RBFOX1: variants seen among roughly 807,000 people sequenced by gnomAD.
The protein encoded by RBFOX1 is RNA binding fox-1 homolog 1, also known as RNA binding protein fox-1 homolog 1.
A neutral mutation model predicts 57.7 loss-of-function variants in RBFOX1; 8 were observed. That is an observed-to-expected ratio of 0.14 (90% confidence interval 0.08 to 0.25). RBFOX1 has a LOEUF of 0.25. Ranked by LOEUF, RBFOX1 falls within the 10% of genes least tolerant of loss-of-function variation. The pLI is 1.00. For synonymous variants in RBFOX1, 326 were observed against 222.4 expected (o/e 1.47, Z -4.15); for missense variants, 611 against 548.5 (o/e 1.11, Z -1.14).
intron 3 of RBFOX1, among the ~76,000 whole-genome samples, chr16:6,841,570 C>G (rs1299434067): frequency 2.0e-5 from 3 of 152,150 alleles, no homozygotes; most frequent in Non-Finnish European, 4.4e-5. Context: ...GCCCTTTCTC[C>G]TACGAGCTGT....
intron 4 of RBFOX1, among the ~76,000 whole-genome samples, chr16:7,061,232 A>C (rs1437864344): frequency 6.6e-6 from 1 of 152,328 alleles, no homozygotes; most frequent in East Asian, 1.9e-4. Flanking sequence ...TAGTAAAATA[A>C]GAAACTCATA....
chr16:5,726,564 T>C (rs1266808640), intron 3 of RBFOX1, among the ~76,000 whole-genome samples: 3 of 152,196 alleles, frequency 2.0e-5, no homozygotes, highest in Non-Finnish European at 4.4e-5. Context: ...GTCCATAGCC[T>C]GGAGTCCAGG....
chr16:6,736,379 C>G (rs982304503), intron 3 of RBFOX1, among the ~76,000 whole-genome samples: 12 of 152,142 alleles, frequency 7.9e-5, no homozygotes, highest in Non-Finnish European at 2.9e-5. Context: ...CATAGCTTAG[C>G]TCCCACATAT....
intron 1 of RBFOX1, among the ~76,000 whole-genome samples, chr16:5,436,536 A>C (rs2067923444): frequency 6.6e-6 from 1 of 152,204 alleles, no homozygotes; most frequent in African/African-American, 2.4e-5. Flanking sequence ...GTTTCATTTG[A>C]AATGCCAGAA....
chr16:7,508,091 A>C (rs983198494), intron 4 of RBFOX1, among the ~76,000 whole-genome samples: 5 of 151,892 alleles, frequency 3.3e-5, no homozygotes, highest in Non-Finnish European at 7.4e-5. Context: ...GGTTCAAGCG[A>C]TTCTCGTGCC....
At chr16:6,443,400 C>G (rs796661263) in intron 2 of RBFOX1, among the ~76,000 whole-genome samples, 8 of 152,278 alleles carry the variant, frequency 5.3e-5, no homozygotes, top group African/African-American at 1.9e-4. Context: ...TCCCATCCCC[C>G]CCATCCTGGC....
At chr16:6,923,027 C>G (rs1043154587) in intron 3 of RBFOX1, among the ~76,000 whole-genome samples, 11 of 152,156 alleles carry the variant, frequency 7.2e-5, no homozygotes, top group African/African-American at 2.4e-4. Context: ...TATAAGCAAA[C>G]CATAGACAGT....
chr16:7,265,594 A>G (rs547181756), intron 4 of RBFOX1, among the ~76,000 whole-genome samples: 13 of 151,516 alleles, frequency 8.6e-5, no homozygotes, highest in South Asian at 2.1e-4. Context: ...GATTACAGGC[A>G]CCCACCACCA....
intron 1 of RBFOX1, among the ~76,000 whole-genome samples, chr16:5,377,057 G>A (rs1477556715): frequency 1.3e-5 from 2 of 151,660 alleles, no homozygotes; most frequent in Non-Finnish European, 2.9e-5. Flanking sequence ...CCCAAACCAA[G>A]GAACCAGAAA....
At chr16:7,125,689 TA>T (rs1326231534) in intron 4 of RBFOX1, among the ~76,000 whole-genome samples, 1 of 152,146 alleles carries the variant, frequency 6.6e-6, no homozygotes, top group African/African-American at 2.4e-5. Flanking sequence ...CTCTAAAATT[TA>T]ACACTTTTTT....
chr16:6,067,117 T>C (rs1273953680), intron 1 of RBFOX1, among the ~76,000 whole-genome samples: 1 of 152,170 alleles, frequency 6.6e-6, no homozygotes, highest in African/African-American at 2.4e-5. Flanking sequence ...TGTTATAAGA[T>C]TGAGTGTGTC....
At chr16:7,095,545 C>G (rs996417856) in intron 4 of RBFOX1, among the ~76,000 whole-genome samples, 1 of 152,110 alleles carries the variant, frequency 6.6e-6, no homozygotes, top group Non-Finnish European at 1.5e-5. Flanking sequence ...TTTCTTTTCT[C>G]TTACTTTGAG....
At chr16:7,097,574 C>G (rs1282953276) in intron 4 of RBFOX1, among the ~76,000 whole-genome samples, 1 of 152,122 alleles carries the variant, frequency 6.6e-6, no homozygotes, top group African/African-American at 2.4e-5. Context: ...CTCCATCTGC[C>G]TCAAATAATC....
rs1223191346 is a variant in RBFOX1, at chr16:7,439,945, C to CTTTTT, written c.28-78199_28-78198insTTTTT. Among the ~76,000 whole-genome samples the CTTTTT allele has an allele frequency of 6.0e-4, 68 of 113,358 alleles. 1 individual carries two copies. The highest frequency in any genetic ancestry group is 2.2e-3 in the East Asian group (8 of 3,646). 74.4% of individuals were successfully genotyped at this position (113,358 alleles called of 152,430 possible). On this transcript the variant is annotated intron_variant, in intron 4 of 15. Transcript: ENST00000550418. ...GAACCACAAAACAACCAAATCTTTT[C>CTTTTT]TTTCTTTTTTTTTTTTTTTTTTTTG...
intron 2 of RBFOX1, among the ~76,000 whole-genome samples, chr16:6,443,574 C>T (rs964778274): frequency 6.6e-6 from 1 of 152,182 alleles, no homozygotes; most frequent in African/African-American, 2.4e-5. Flanking sequence ...TCTGTAACTT[C>T]TCTCCCACTG....
chr16:6,350,693 C>T (rs2086212896), intron 2 of RBFOX1, among the ~76,000 whole-genome samples: 1 of 151,986 alleles, frequency 6.6e-6, no homozygotes, highest in Non-Finnish European at 1.5e-5. Flanking sequence ...ATTACTAGGT[C>T]CTAAAGCATT....
intron 4 of RBFOX1, among the ~76,000 whole-genome samples, chr16:5,994,976 G>T (rs934322498): frequency 2.0e-5 from 3 of 152,150 alleles, no homozygotes; most frequent in Admixed American, 6.5e-5. Flanking sequence ...CCAGCTTCAG[G>T]CTCCTCTCAC....
At chr16:6,705,197 G>A (rs1214776500) in intron 3 of RBFOX1, 1 of 152,152 alleles carries the variant, frequency 6.6e-6, no homozygotes, top group Non-Finnish European at 1.5e-5. Context: ...TGGTTCCAAA[G>A]TCCTTTTAAA....
Position 5,599,153 on chromosome 16 carries a change from T to A in RBFOX1, c.510T>A (p.Tyr170Ter), listed in dbSNP as rs1295340560. The A allele has an allele frequency of 2.8e-6, 2 of 702,226 alleles. No homozygotes were observed. Among genetic ancestry groups the A allele is most frequent in the East Asian group, 5.4e-5 (2 of 36,954 alleles). 43.5% of individuals were successfully genotyped at this position (702,226 alleles called of 1,614,324 possible). The stretch of plus-strand genomic sequence containing the variant: ...CACAATTTCTATCACTTGGGCCGTA[T>A]TCCCAGCCTCTGGTACATGGTGTGA... Residue 170 changes from tyrosine (Y) to a stop codon, truncating the protein, a stop_gained, in exon 3 of 3, where the codon TAT becomes TAA. Transcript: ENST00000585867. LOFTEE classifies it low-confidence loss of function (END_TRUNC).
Sources: gnomAD v4.1 joint callset for allele counts (sites outside exome capture counted in the v4.1 genomes callset) on GRCh38, gnomAD v4.1.1 for gene constraint, MANE v1.5 for transcripts, NCBI Gene and HGNC (gene_info 2026-07-23, HGNC 2026-07-21) for gene names.